Variants in PTPRN2 observed in about 807,000 individuals in gnomAD.
PTPRN2 encodes the protein receptor-type tyrosine-protein phosphatase N2.
Under a neutral mutation model 118.8 loss-of-function variants are expected in PTPRN2, and 74 were observed. The observed-to-expected ratio is 0.62, with a 90% CI of 0.52 to 0.76. The LOEUF is 0.76. Ranked by LOEUF, PTPRN2 falls within the 30% of genes least tolerant of loss-of-function variation. PTPRN2 has a pLI of 0.00. For synonymous variants in PTPRN2, 641 were observed against 608.0 expected, an observed-to-expected ratio of 1.05 and a Z score of -0.80; for missense variants, 1,481 against 1,394.4, an observed-to-expected ratio of 1.06 and a Z score of -0.99.
At chr7:157,907,421 G>C (rs1015718006) in intron 11 of PTPRN2, among the ~76,000 whole-genome samples, 30 of 151,182 alleles carry the variant, frequency 2.0e-4, no homozygotes, top group African/African-American at 7.3e-4. Flanking sequence ...GGTGTCCCGG[G>C]TGGCAGTATC....
Position 157,970,786 on chromosome 7 carries a change from C to G in PTPRN2, c.1724-72049G>C, listed in dbSNP as rs185585716. Among the ~76,000 whole-genome samples the G allele has an allele frequency of 2.5e-4, 38 of 152,256 alleles. No individual in the cohort carries two copies. The East Asian group carries it at 7.2e-3, about 29-fold the overall frequency. On this transcript the variant is annotated intron_variant, in intron 11 of 22. Transcript: ENST00000389418. Reference sequence around the variant, plus strand: ...GGCTTCTGTGCCCAGCATGCCCTCTCTGGGGCTCATTCTCGTGTTTCCTAC... The same window carrying G: ...GGCTTCTGTGCCCAGCATGCCCTCTGTGGGGCTCATTCTCGTGTTTCCTAC...
chr7:157,825,040 G>A (rs1366367126), intron 12 of PTPRN2, among the ~76,000 whole-genome samples: 2 of 152,182 alleles, frequency 1.3e-5, no homozygotes, highest in Non-Finnish European at 2.9e-5. Flanking sequence ...TTGGCTCAGG[G>A]CAAACGAGGA....
At chr7:157,820,152 C>T (rs567773454) in intron 12 of PTPRN2, among the ~76,000 whole-genome samples, 30 of 150,726 alleles carry the variant, frequency 2.0e-4, no homozygotes, top group African/African-American at 3.7e-4. Context: ...CCCCCACACA[C>T]GCACACACAT....
At chr7:158,483,312 A>C (rs1421401111) in intron 2 of PTPRN2, among the ~76,000 whole-genome samples, 2 of 152,214 alleles carry the variant, frequency 1.3e-5, no homozygotes, top group Non-Finnish European at 2.9e-5. Flanking sequence ...TTTGAGGGCT[A>C]TGGGGGTGTC....
chr7:157,956,549 C>T (rs1801198157), intron 11 of PTPRN2, among the ~76,000 whole-genome samples: 1 of 152,266 alleles, frequency 6.6e-6, no homozygotes, highest in Non-Finnish European at 1.5e-5. Flanking sequence ...TTTGGGTCTA[C>T]CAGTTGCTAT....
At chr7:157,662,274 G>C (rs139354055) in intron 13 of PTPRN2, among the ~76,000 whole-genome samples, 10 of 152,328 alleles carry the variant, frequency 6.6e-5, no homozygotes, top group Non-Finnish European at 1.2e-4. Flanking sequence ...ACACACACCA[G>C]GTGATTATTT....
intron 12 of PTPRN2, among the ~76,000 whole-genome samples, chr7:157,722,976 C>G (rs962434977): frequency 6.6e-6 from 1 of 152,204 alleles, no homozygotes; most frequent in Non-Finnish European, 1.5e-5. Flanking sequence ...ATGCATTTTG[C>G]GTCCCTGGCT....
intron 17 of PTPRN2, among the ~76,000 whole-genome samples, chr7:157,593,998 T>C (rs1311733237): frequency 6.6e-6 from 1 of 152,218 alleles, no homozygotes; most frequent in African/African-American, 2.4e-5. Context: ...GTCATACCGA[T>C]GTGTTTCAGA....
chr7:158,454,739 A>T (rs1468621624), intron 2 of PTPRN2, among the ~76,000 whole-genome samples: 1 of 152,232 alleles, frequency 6.6e-6, no homozygotes, highest in Non-Finnish European at 1.5e-5. Flanking sequence ...AAGAGGGTGC[A>T]GGCTTGGGGG....
intron 9 of PTPRN2, among the ~76,000 whole-genome samples, chr7:158,123,317 G>T (rs570269298): frequency 6.6e-6 from 1 of 152,336 alleles, no homozygotes; most frequent in African/African-American, 2.4e-5. Flanking sequence ...ACAGTGGGCT[G>T]GGGAGGTGCC....
intron 1 of PTPRN2, among the ~76,000 whole-genome samples, chr7:158,494,722 G>T (rs899339442): frequency 6.6e-6 from 1 of 152,144 alleles, no homozygotes; most frequent in African/African-American, 2.4e-5. Context: ...CAACGGGAAC[G>T]CCAGGACCCC....
At position 158,256,754 on chromosome 7, in the gene PTPRN2, G is replaced by A. The variant is rs1300390906; in HGVS notation, c.278-51481C>T. Among the ~76,000 whole-genome samples the A allele has an allele frequency of 2.0e-5, 3 of 152,086 alleles. No individual in the cohort carries two copies. In the East Asian group the frequency reaches 5.8e-4, roughly 29 times the overall value. ...CTTAAAATTAAACTCAGCCCTAATAGGAAGTTTATGGAATGATTCACCATC... is the reference window on the plus strand; with the variant it reads ...CTTAAAATTAAACTCAGCCCTAATAAGAAGTTTATGGAATGATTCACCATC... On this transcript the variant is annotated intron_variant, in intron 3 of 22. Transcript: ENST00000389418.
Position 157,656,458 on chromosome 7 carries a change from C to A in PTPRN2, c.2095G>T (p.Asp699Tyr). 6.4e-7 allele frequency: 1 copy of A among 1,554,358 alleles called. No homozygotes were observed. The highest frequency in any genetic ancestry group is 2.4e-5 in the East Asian group (1 of 41,336). Residue 699 changes from aspartate to tyrosine, a missense_variant, in exon 14 of 23, where the codon GAC becomes TAC. Coordinates refer to ENST00000389418, the MANE Select transcript of PTPRN2 (RefSeq NM_002847.5). ...GCGGAGGGGCTGGGGATCGGCCCGTCGCTGAACTGGGATGAGACGCTGCTG... is the reference window on the plus strand; with the variant it reads ...GCGGAGGGGCTGGGGATCGGCCCGTAGCTGAACTGGGATGAGACGCTGCTG... ...RISSVSSQFSDGPIPSPSARS... is the reference protein window; with the variant it reads ...RISSVSSQFSYGPIPSPSARS...
intron 2 of PTPRN2, among the ~76,000 whole-genome samples, chr7:158,351,596 G>A (rs1376881371): frequency 1.3e-5 from 2 of 152,166 alleles, no homozygotes; most frequent in Non-Finnish European, 2.9e-5. Context: ...CGAGTGAAAT[G>A]GCAGAAGGAA....
intron 12 of PTPRN2, among the ~76,000 whole-genome samples, chr7:157,853,110 T>G (rs1809411622): frequency 6.6e-6 from 1 of 152,138 alleles, no homozygotes; most frequent in South Asian, 2.1e-4. Flanking sequence ...TATTTGGGTC[T>G]TTCTTGTACT....
intron 3 of PTPRN2, among the ~76,000 whole-genome samples, chr7:158,295,848 T>C (rs1216648755): frequency 4.2e-4 from 64 of 152,274 alleles, no homozygotes; most frequent in Non-Finnish European, 7.3e-5. Context: ...GCCCAGATGC[T>C]GCCCCACATC....
chr7:158,340,496 C>A (rs201662817), intron 2 of PTPRN2, among the ~76,000 whole-genome samples: 4 of 64,934 alleles, frequency 6.2e-5, no homozygotes, highest in Non-Finnish European at 1.4e-4. Context: ...TAGGTGACAC[C>A]TGCAGACGTC....
At chr7:158,141,139 G>A (rs750225871) in intron 6 of PTPRN2, among the ~76,000 whole-genome samples, 2 of 152,106 alleles carry the variant, frequency 1.3e-5, no homozygotes, top group Non-Finnish European at 2.9e-5. Context: ...TGCCCTAGAG[G>A]GATCCCACTG....
chr7:158,226,613 G>A, intron 3 of PTPRN2, among the ~76,000 whole-genome samples: 1 of 151,932 alleles, frequency 6.6e-6, no homozygotes, highest in East Asian at 1.9e-4. Context: ...GCAGGCAAGG[G>A]CATAGCAAGG....
Sources: gnomAD v4.1 joint callset for allele counts (sites outside exome capture counted in the v4.1 genomes callset) on GRCh38, gnomAD v4.1.1 for gene constraint, MANE v1.5 for transcripts, NCBI Gene and HGNC (gene_info 2026-07-23, HGNC 2026-07-21) for gene names.